Variants in TBC1D5 observed in about 807,000 individuals in gnomAD.
TBC1D5 encodes TBC1 domain family member 5.
Under a neutral mutation model 100.3 loss-of-function variants are expected in TBC1D5, and 75 were observed. The observed-to-expected ratio is 0.75, with a 90% CI of 0.62 to 0.91. The LOEUF is 0.91. Ranked by LOEUF, TBC1D5 falls within the 40% of genes least tolerant of loss-of-function variation. TBC1D5 has a pLI of 0.00. For missense variants in TBC1D5, 910 were observed against 942.4 expected, an observed-to-expected ratio of 0.97 and a Z score of 0.45; for synonymous variants, 323 against 325.6, an observed-to-expected ratio of 0.99 and a Z score of 0.09.
intron 1 of TBC1D5, among the ~76,000 whole-genome samples, chr3:17,656,319 T>C (rs1297706999): frequency 6.6e-6 from 1 of 152,138 alleles, no homozygotes; most frequent in East Asian, 1.9e-4. Flanking sequence ...CTGCTCAAAT[T>C]TTCTGTGCCT....
At chr3:17,254,016 C>G (rs192359599) in intron 16 of TBC1D5, among the ~76,000 whole-genome samples, 1 of 152,290 alleles carries the variant, frequency 6.6e-6, no homozygotes, top group Non-Finnish European at 1.5e-5. Flanking sequence ...GTCCTGGAAC[C>G]AATTCCCCCA....
intron 3 of TBC1D5, among the ~76,000 whole-genome samples, chr3:17,433,231 A>T (rs1395321705): frequency 6.6e-6 from 1 of 152,240 alleles, no homozygotes; most frequent in Non-Finnish European, 1.5e-5. Context: ...TAGAAGAAGC[A>T]GCGGACATGA....
intron 18 of TBC1D5, among the ~76,000 whole-genome samples, chr3:17,213,028 C>T (rs2073168070): frequency 6.6e-6 from 1 of 152,150 alleles, no homozygotes; most frequent in African/African-American, 2.4e-5. Context: ...CTCACTCACT[C>T]GCCCAGAGCC....
chr3:17,590,076 G>A (rs1179363743), intron 2 of TBC1D5, among the ~76,000 whole-genome samples: 2 of 152,186 alleles, frequency 1.3e-5, no homozygotes, highest in Non-Finnish European at 2.9e-5. Context: ...CAACATTCCT[G>A]TTTGTTTCTA....
chr3:17,485,297 T>C (rs2095549166), intron 3 of TBC1D5, among the ~76,000 whole-genome samples: 6 of 150,708 alleles, frequency 4.0e-5, no homozygotes, highest in Admixed American at 4.0e-4. Context: ...AATTTTATTT[T>C]ATTTTATTTT....
chr3:17,209,970 T>C (rs2072737867), intron 18 of TBC1D5, among the ~76,000 whole-genome samples: 1 of 152,152 alleles, frequency 6.6e-6, no homozygotes, highest in Middle Eastern at 3.2e-3. Flanking sequence ...TGGGGATCTT[T>C]TTGTTTTGCT....
intron 2 of TBC1D5, among the ~76,000 whole-genome samples, chr3:17,528,262 G>C (rs1343071272): frequency 6.6e-6 from 1 of 152,160 alleles, no homozygotes; most frequent in Non-Finnish European, 1.5e-5. Context: ...GCCTTCAGGA[G>C]GTGATTTCGC....
intron 13 of TBC1D5, among the ~76,000 whole-genome samples, chr3:17,309,179 T>A (rs1179982589): frequency 6.6e-6 from 1 of 151,888 alleles, no homozygotes; most frequent in Non-Finnish European, 1.5e-5. Context: ...ATTTGTGGGG[T>A]TAAAGCAAGG....
intron 13 of TBC1D5, chr3:17,337,471 A>T (rs1293681914): frequency 6.6e-6 from 1 of 152,150 alleles, no homozygotes; most frequent in African/African-American, 2.4e-5. Context: ...ATTGTCAATC[A>T]CTTTGTGATT....
At chr3:17,699,753 A>G (rs141489905) in intron 1 of TBC1D5, among the ~76,000 whole-genome samples, 7,466 of 151,234 alleles carry the variant, frequency 0.049, 594 homozygotes, top group African/African-American at 0.17. Context: ...TATCCTTTCA[A>G]TGTATCTGAT....
chr3:17,292,662 T>C (rs1041505841), intron 14 of TBC1D5, among the ~76,000 whole-genome samples: 29 of 152,180 alleles, frequency 1.9e-4, no homozygotes, highest in Admixed American at 1.9e-3. Context: ...GGTGTAATTA[T>C]TAAACACATC....
intron 2 of TBC1D5, among the ~76,000 whole-genome samples, chr3:17,608,281 GAC>G: frequency 6.6e-6 from 1 of 152,066 alleles, no homozygotes; most frequent in East Asian, 1.9e-4. Context: ...AAAAGAGTAA[GAC>G]ACAGATGCCC....
chr3:17,741,799 A>AT (rs2077462798), upstream of TBC1D5, among the ~76,000 whole-genome samples: 2 of 110,558 alleles, frequency 1.8e-5, no homozygotes, highest in Non-Finnish European at 3.6e-5. Context: ...CCTCCCTGCG[A>AT]ATTTTTTTTT....
chr3:17,452,155 A>G (rs1036776344), intron 3 of TBC1D5, among the ~76,000 whole-genome samples: 1 of 152,204 alleles, frequency 6.6e-6, no homozygotes, highest in East Asian at 1.9e-4. Flanking sequence ...ATTGAAAAAC[A>G]TACAATGGAT....
chr3:17,455,670 T>C (rs1228445369), intron 3 of TBC1D5, among the ~76,000 whole-genome samples: 1 of 151,754 alleles, frequency 6.6e-6, no homozygotes, highest in African/African-American at 2.4e-5. Flanking sequence ...AAACCCCATG[T>C]CTATAAAAAT....
intron 13 of TBC1D5, chr3:17,338,396 C>T (rs747950987): frequency 2.0e-5 from 3 of 152,166 alleles, no homozygotes; most frequent in East Asian, 1.9e-4. Flanking sequence ...TGTTTAACAA[C>T]GGACACCTCC....
chr3:17,197,158 C>G (rs1038552420), intron 18 of TBC1D5, among the ~76,000 whole-genome samples: 2 of 152,200 alleles, frequency 1.3e-5, no homozygotes, highest in African/African-American at 2.4e-5. Context: ...TCACAAGCTG[C>G]AACCCTTCCA....
chr3:17,323,894 T>G (rs1043366477), intron 13 of TBC1D5, among the ~76,000 whole-genome samples: 1 of 152,200 alleles, frequency 6.6e-6, no homozygotes, highest in Admixed American at 6.5e-5. Flanking sequence ...AAAACAAAGT[T>G]GGAGGACTCA....
chr3:17,337,950 T>A (rs1331943589), intron 13 of TBC1D5, among the ~76,000 whole-genome samples: 1 of 152,182 alleles, frequency 6.6e-6, no homozygotes. Context: ...AATGAAATAA[T>A]TGAATTTTCT....
Sources: allele counts gnomAD v4.1 joint callset (sites outside exome capture counted in the v4.1 genomes callset), GRCh38; gene constraint gnomAD v4.1.1; transcripts MANE v1.5; gene names NCBI Gene and HGNC (gene_info 2026-07-23, HGNC 2026-07-21).